The following MYLK variants were observed in gnomAD, a reference collection of about 807,000 sequenced individuals.
MYLK encodes myosin light chain kinase, also known as myosin light chain kinase, smooth muscle.
In MYLK, 106 loss-of-function variants were observed where a neutral mutation model predicts 203.4. The ratio of observed to expected loss-of-function variants is 0.52; its 90% CI spans 0.45 to 0.61. The LOEUF is 0.61. Among genes scored for constraint, MYLK ranks in the 20% least tolerant of loss-of-function variants. MYLK has a pLI of 0.00. For synonymous variants in MYLK, 867 were observed against 959.5 expected (o/e 0.90, Z 1.78); for missense variants, 2,072 against 2,442.3 (o/e 0.85, Z 3.20).
At chr3:123,690,204 G>A (rs1244663660) in intron 19 of MYLK, among the ~76,000 whole-genome samples, 1 of 152,190 alleles carries the variant, frequency 6.6e-6, no homozygotes, top group Non-Finnish European at 1.5e-5. Context: ...CTATGCAGAG[G>A]TTGGGTGGGC....
intron 33 of MYLK, among the ~76,000 whole-genome samples, chr3:123,615,969 A>C (rs993128602): frequency 1.3e-5 from 2 of 152,226 alleles, no homozygotes; most frequent in Non-Finnish European, 2.9e-5. Flanking sequence ...ATTTTGTATA[A>C]TAGTTTAAGT....
chr3:123,788,175 A>G (rs1428212681), intron 4 of MYLK, among the ~76,000 whole-genome samples: 2 of 152,170 alleles, frequency 1.3e-5, no homozygotes, highest in Non-Finnish European at 2.9e-5. Context: ...GCAGGAAACC[A>G]GTCTTCAAGC....
intron 12 of MYLK, among the ~76,000 whole-genome samples, chr3:123,725,514 G>A (rs975379472): frequency 6.6e-6 from 1 of 152,132 alleles, no homozygotes; most frequent in African/African-American, 2.4e-5. Flanking sequence ...TCCCTCATGC[G>A]ACTTTGAGAG....
intron 2 of MYLK, among the ~76,000 whole-genome samples, chr3:123,861,157 A>AAAAAAAAAAAAAAAAAAC (rs1560298465): frequency 6.6e-6 from 1 of 151,610 alleles, no homozygotes; most frequent in African/African-American, 2.4e-5. Context: ...CAAAAAAAAA[A>AAAAAAAAAAAAAAAAAAC]AACTGATTGG....
chr3:123,674,844 C>G (rs1344146169), intron 20 of MYLK, among the ~76,000 whole-genome samples: 1 of 152,258 alleles, frequency 6.6e-6, no homozygotes, highest in Non-Finnish European at 1.5e-5. Flanking sequence ...CCACGGGGTT[C>G]ATGGCCCTCT....
intron 13 of MYLK, among the ~76,000 whole-genome samples, chr3:123,710,429 T>C (rs1048530915): frequency 6.6e-6 from 1 of 152,212 alleles, no homozygotes; most frequent in Non-Finnish European, 1.5e-5. Context: ...CATCTTGGTG[T>C]CTCTCATAAG....
At chr3:123,724,743 C>CATTT (rs56341070) in intron 12 of MYLK, among the ~76,000 whole-genome samples, 2 of 151,270 alleles carry the variant, frequency 1.3e-5, no homozygotes, top group African/African-American at 4.9e-5. Flanking sequence ...CTCGCTCTTT[C>CATTT]ATTTATTTAT....
chr3:123,861,129 C>CAA (rs5852370), intron 2 of MYLK, among the ~76,000 whole-genome samples: 60 of 130,352 alleles, frequency 4.6e-4, no homozygotes, highest in African/African-American at 7.5e-4. Flanking sequence ...GACCCTGTCT[C>CAA]AAAAAAAAAA....
At chr3:123,715,973 C>A (rs2061878094) in intron 13 of MYLK, 1 of 152,248 alleles carries the variant, frequency 6.6e-6, no homozygotes, top group Non-Finnish European at 1.5e-5. Flanking sequence ...AGGCTTTGAA[C>A]ATGAGCTGTA....
In MYLK at chr3:123,733,667, C is replaced by T. The variant is rs996692523; in HGVS notation, c.1309+20G>A. ...GGGGCTACATTTTGGCAATCGGTGACCCTAATTACCTCTACTCACCTTCAC... is the reference window on the plus strand; with the variant it reads ...GGGGCTACATTTTGGCAATCGGTGATCCTAATTACCTCTACTCACCTTCAC... On this transcript the variant is annotated intron_variant, in intron 10 of 33. Transcript: ENST00000360304. 1.2e-5 allele frequency: 20 copies of T among 1,613,178 alleles called. No individual in the cohort carries two copies. The highest frequency in any genetic ancestry group is 1.7e-5 in the Non-Finnish European group (20 of 1,180,016).
chr3:123,836,938 C>A (rs1165659949), intron 2 of MYLK, among the ~76,000 whole-genome samples: 1 of 152,224 alleles, frequency 6.6e-6, no homozygotes, highest in Non-Finnish European at 1.5e-5. Context: ...ATTAAGAACA[C>A]TTCCTACTTA....
chr3:123,864,024 G>C (rs994080116), intron 2 of MYLK, among the ~76,000 whole-genome samples: 1 of 152,164 alleles, frequency 6.6e-6, no homozygotes, highest in Non-Finnish European at 1.5e-5. Flanking sequence ...CAATTAAAAG[G>C]AACGGACTGA....
At chr3:123,805,388 C>T (rs1408010963) in intron 3 of MYLK, among the ~76,000 whole-genome samples, 1 of 152,194 alleles carries the variant, frequency 6.6e-6, no homozygotes, top group Non-Finnish European at 1.5e-5. Flanking sequence ...AAGGCAGGTG[C>T]ACACGGAGGG....
intron 2 of MYLK, among the ~76,000 whole-genome samples, chr3:123,832,207 T>C (rs772638217): frequency 2.6e-5 from 4 of 152,356 alleles, no homozygotes; most frequent in Non-Finnish European, 5.9e-5. Context: ...AGGGCTGGGC[T>C]GATATGCTCT....
chr3:123,666,109 G>C, intron 22 of MYLK, 110 bp downstream of exon 22: 2 of 1,552,278 alleles, frequency 1.3e-6, no homozygotes, highest in Non-Finnish European at 1.8e-6. Flanking sequence ...CATTTCTAAA[G>C]CTACGAAGAG....
In MYLK at chr3:123,673,435, C is replaced by G. The variant is rs908444477; in HGVS notation, c.3653-6248G>C. ...GCCTCAGTGCATGTTCTAACATCAG[C>G]CCCTCCCCCCACTCCCCCGCTCTCT... is the stretch of plus-strand genomic sequence containing the variant. On this transcript the variant is annotated intron_variant, in intron 20 of 33. Transcript: ENST00000360304. Among the ~76,000 whole-genome samples, 49 of 151,944 alleles carry G rather than the reference C, an allele frequency of 3.2e-4. 1 individual carries two copies. The highest frequency in any genetic ancestry group is 8.8e-5 in the Non-Finnish European group (6 of 67,970).
At chr3:123,753,308 T>G (rs896951817) in intron 4 of MYLK, among the ~76,000 whole-genome samples, 1 of 152,364 alleles carries the variant, frequency 6.6e-6, no homozygotes, top group Admixed American at 6.5e-5. Flanking sequence ...GTTTCTACTT[T>G]TTAATGTGGC....
In MYLK at chr3:123,676,093, G is replaced by A. The variant is rs6794567; in HGVS notation, c.3652+6131C>T. Among the ~76,000 whole-genome samples, 830 of 152,370 alleles carry A rather than the reference G, an allele frequency of 5.4e-3. 4 individuals are homozygous for A. The highest frequency in any genetic ancestry group is 0.019 in the African/African-American group (787 of 41,592). Reference sequence around the variant, plus strand: ...GAAAGAGGTGTGCTGGGCCAGGGGTGCCAGCATTGCTTGGTGGGTACCTTC... The same window carrying A: ...GAAAGAGGTGTGCTGGGCCAGGGGTACCAGCATTGCTTGGTGGGTACCTTC... On this transcript the variant is annotated intron_variant, in intron 20 of 33. Coordinates refer to ENST00000360304, the MANE Select transcript of MYLK (RefSeq NM_053025.4).
chr3:123,725,457 C>T lies in MYLK; in HGVS notation c.1651+487G>A, dbSNP rs116185616. 8.5e-4 allele frequency among the ~76,000 whole-genome samples: 130 copies of T among 152,274 alleles called. 1 individual carries two copies. Among genetic ancestry groups the T allele is most frequent in the African/African-American group, 2.9e-3 (119 of 41,558 alleles). ...AGGACTATCAGTTTAAAAAGAATAA[C>T]TGGTCTGTGAGTCCCAGAACCACCT... On this transcript the variant is annotated intron_variant, in intron 12 of 33. Coordinates refer to ENST00000360304, the MANE Select transcript of MYLK (RefSeq NM_053025.4).
Sources: gnomAD v4.1 joint callset for allele counts (sites outside exome capture counted in the v4.1 genomes callset) on GRCh38, gnomAD v4.1.1 for gene constraint, MANE v1.5 for transcripts, NCBI Gene and HGNC (gene_info 2026-07-23, HGNC 2026-07-21) for gene names.